DNAH12: variants seen among roughly 807,000 people sequenced by gnomAD.
The protein encoded by DNAH12 is dynein axonemal heavy chain 12, also known as axonemal beta dynein heavy chain 12.
In DNAH12, 285 loss-of-function variants were observed where a neutral mutation model predicts 371.5. The observed-to-expected ratio is 0.77, with a 90% CI of 0.70 to 0.85. The LOEUF is 0.85. Among genes scored for constraint, DNAH12 ranks in the 40% least tolerant of loss-of-function variants. The pLI is 0.00. For missense variants in DNAH12, 3,611 were observed against 3,689.4 expected, an observed-to-expected ratio of 0.98 and a Z score of 0.55; for synonymous variants, 1,200 against 1,213.0, an observed-to-expected ratio of 0.99 and a Z score of 0.22.
At chr3:57,374,181 CTAAGT>C (rs1283202513) in intron 55 of DNAH12, among the ~76,000 whole-genome samples, 1 of 152,148 alleles carries the variant, frequency 6.6e-6, no homozygotes, top group East Asian at 1.9e-4. Flanking sequence ...CACTTATTCA[CTAAGT>C]TATCTTTACT....
Position 57,424,907 on chromosome 3 carries a change from T to C in DNAH12, c.5373+115A>G, listed in dbSNP as rs553566816. On this transcript the variant is annotated intron_variant, in intron 35 of 73. Transcript: ENST00000495027. The stretch of plus-strand genomic sequence containing the variant: ...AACTTTAGTGTCTCCAGCTATTCTT[T>C]CAATGCTCACCAAAAAATAGCTTTG... 137 of 568,334 alleles carry C rather than the reference T, an allele frequency of 2.4e-4. 1 individual carries two copies. The highest frequency in any genetic ancestry group is 2.3e-3 in the South Asian group (88 of 38,014). The allele number at this position is 568,334 out of a possible 1,614,324, so 35.2% of individuals were successfully genotyped here. A position where few individuals can be genotyped will look rare whatever the true frequency, so the allele number is the denominator to read the frequency against.
At chr3:57,465,661 A>G (rs2066177935) in intron 17 of DNAH12, among the ~76,000 whole-genome samples, 1 of 152,200 alleles carries the variant, frequency 6.6e-6, no homozygotes. Context: ...TCTGCAAGGC[A>G]AAAGCTATCA....
At chr3:57,551,310 C>G in the DNAH12 span, among the ~76,000 whole-genome samples, 1 of 151,850 alleles carries the variant, frequency 6.6e-6, no homozygotes, top group African/African-American at 2.4e-5. Flanking sequence ...CTCGCTCTGT[C>G]GCCCAGGTTG....
chr3:57,393,465 A>C (rs2063668179), intron 44 of DNAH12, among the ~76,000 whole-genome samples: 3 of 151,908 alleles, frequency 2.0e-5, no homozygotes, highest in Non-Finnish European at 4.4e-5. Context: ...GTCTCTACTG[A>C]AAATACAAAA....
intron 45 of DNAH12, among the ~76,000 whole-genome samples, chr3:57,388,380 G>A (rs1426425187): frequency 6.6e-6 from 1 of 151,986 alleles, no homozygotes; most frequent in East Asian, 1.9e-4. Context: ...GTATTTTCCA[G>A]ATTTCCTTTC....
intron 70 of DNAH12, among the ~76,000 whole-genome samples, chr3:57,298,249 T>C (rs2061274783): frequency 2.0e-5 from 3 of 152,186 alleles, no homozygotes. Context: ...CCTGAGTGAC[T>C]GATTCAGAAA....
At position 57,404,975 on chromosome 3, in the gene DNAH12, A is replaced by C. The variant is rs572367814; in HGVS notation, c.6749T>G (p.Ile2250Ser). The change falls in exon 42 of 74, where the codon ATT becomes AGT. Residue 2250 changes from isoleucine (I) to serine (S), a missense_variant. Around this residue, in one of 3 missense-constraint regions of DNAH12, gnomAD observed 2,266 missense variants for 2,236.9 expected, o/e 1.01. Coordinates refer to ENST00000495027, the MANE Select transcript of DNAH12 (RefSeq NM_001366028.2). Reference protein sequence around the residue: ...QTHKTRMNLVIFRYVLEHLSR... With the variant: ...QTHKTRMNLVSFRYVLEHLSR... Reference sequence around the variant, plus strand: ...CAACACCATATATAGGTACCTAAAAATGACAAGATTCATTCTTGTTTTGTG... The same window carrying C: ...CAACACCATATATAGGTACCTAAAACTGACAAGATTCATTCTTGTTTTGTG... The C allele has an allele frequency of 1.3e-6, 2 of 1,512,474 alleles. No homozygotes were observed. The highest frequency in any genetic ancestry group is 2.6e-5 in the South Asian group (2 of 75,836). The allele number at this position is 1,512,474 out of a possible 1,614,324, so 93.7% of individuals were successfully genotyped here. A position where few individuals can be genotyped will look rare whatever the true frequency, so the allele number is the denominator to read the frequency against.
At chr3:57,499,647 A>ATATATATATATATAT (rs1553711615) in intron 11 of DNAH12, among the ~76,000 whole-genome samples, 15 of 17,956 alleles carry the variant, frequency 8.4e-4, no homozygotes, top group Non-Finnish European at 1.2e-3. Context: ...AAAAAAAAAA[A>ATATATATATATATAT]ATATATATAT....
At chr3:57,444,649 C>T (rs114733695) in intron 29 of DNAH12, 48 bp downstream of exon 29, 18,644 of 1,538,278 alleles carry the variant, frequency 0.012, 135 homozygotes, top group Non-Finnish European at 0.014. Flanking sequence ...ATTGAGTCAT[C>T]GGATGAATTT....
At chr3:57,386,976 A>G (rs1376213366) in intron 46 of DNAH12, 110 bp downstream of exon 46, 1 of 152,268 alleles carries the variant, frequency 6.6e-6, no homozygotes, top group Non-Finnish European at 1.5e-5. Flanking sequence ...AACCAGGTTA[A>G]GTACAGTAGG....
rs202134594 is a variant in DNAH12 at position 57,510,981 on chromosome 3, T to A, written c.280-2A>T. 2 of 1,582,024 alleles carry A rather than the reference T, an allele frequency of 1.3e-6. No individual in the cohort carries two copies. Among genetic ancestry groups the A allele is most frequent in the East Asian group, 4.5e-5 (2 of 44,064 alleles). Reference sequence around the variant, plus strand: ...TTGCTTCATATAAATATAGTTGAACTGAGAACATAAGAAAAAATTAAATGT... The same window carrying A: ...TTGCTTCATATAAATATAGTTGAACAGAGAACATAAGAAAAAATTAAATGT... On this transcript the variant is annotated splice_acceptor_variant, in intron 4 of 73. Coordinates refer to ENST00000495027, the MANE Select transcript of DNAH12 (RefSeq NM_001366028.2). LOFTEE classifies it high-confidence loss of function.
chr3:57,424,468 C>T (rs1394607851), intron 35 of DNAH12, among the ~76,000 whole-genome samples: 8 of 67,764 alleles, frequency 1.2e-4, no homozygotes, highest in African/African-American at 7.6e-4. Context: ...AAGATTCCAT[C>T]TCAAAAAAAA....
chr3:57,293,777 C>T lies in DNAH12; in HGVS notation c.*4G>A, dbSNP rs1327822341. 4 of 1,523,824 alleles carry T rather than the reference C, an allele frequency of 2.6e-6. No homozygotes were observed. In the Admixed American group the frequency reaches 6.1e-5, roughly 23 times the overall value. The allele number at this position is 1,523,824 out of a possible 1,614,324, so 94.4% of individuals were successfully genotyped here. On this transcript the variant is annotated 3_prime_UTR_variant, in exon 74 of 74. Transcript: ENST00000495027. ...CTTTTGGATGTTTTATAAATTTGTC[C>T]AATTTAGTCATCCAACTGACAAAGC...
In DNAH12 at chr3:57,489,629, T is replaced by A. The variant is rs781316567; in HGVS notation, c.1394A>T (p.His465Leu). Residue 465 changes from histidine to leucine, a missense_variant, in exon 12 of 74, where the codon CAT becomes CTT. Transcript: ENST00000495027. Reference sequence around the variant, plus strand: ...ACAATCCAAACGCACCATAGTGTAATGAATCCACTGAGGCAAAAGCATTAT... The same window carrying A: ...ACAATCCAAACGCACCATAGTGTAAAGAATCCACTGAGGCAAAAGCATTAT... ...SEIMLLPQWI[H>L]YTMVRLDCED... 1 of 1,535,804 alleles carries A rather than the reference T, an allele frequency of 6.5e-7. No homozygotes were observed. The highest frequency in any genetic ancestry group is 2.1e-5 in the Admixed American group (1 of 46,834).
intron 17 of DNAH12, among the ~76,000 whole-genome samples, chr3:57,464,751 G>A (rs1209084918): frequency 6.6e-6 from 1 of 152,010 alleles, no homozygotes; most frequent in Admixed American, 6.6e-5. Context: ...AAAAAGGAGA[G>A]AAAATTAAAA....
intron 2 of DNAH12, among the ~76,000 whole-genome samples, chr3:57,538,937 C>T (rs1300935820): frequency 2.6e-5 from 4 of 152,114 alleles, no homozygotes; most frequent in African/African-American, 9.7e-5. Context: ...CTTTTTACCC[C>T]CCACCTCCTG....
At chr3:57,549,471 C>A in the DNAH12 span, among the ~76,000 whole-genome samples, 1 of 140,154 alleles carries the variant, frequency 7.1e-6, no homozygotes, top group Non-Finnish European at 1.6e-5. Context: ...GAGCCAAGAT[C>A]ATGCCACTGC....
At chr3:57,467,954 G>C (rs1008735129) in intron 17 of DNAH12, among the ~76,000 whole-genome samples, 28 of 152,040 alleles carry the variant, frequency 1.8e-4, no homozygotes, top group African/African-American at 6.8e-4. Flanking sequence ...GGAATAAAAT[G>C]CCCTCTCTTG....
intron 39 of DNAH12, among the ~76,000 whole-genome samples, chr3:57,410,457 C>A (rs987547963): frequency 6.6e-6 from 1 of 151,986 alleles, no homozygotes; most frequent in Admixed American, 6.6e-5. Context: ...CTGGCTGTTC[C>A]CCATCTCTCT....
Sources: gnomAD v4.1 joint callset for allele counts (sites outside exome capture counted in the v4.1 genomes callset) on GRCh38, gnomAD v4.1.1 for gene constraint, gnomAD v4.1.1 regional missense constraint, MANE v1.5 for transcripts, NCBI Gene and HGNC (gene_info 2026-07-23, HGNC 2026-07-21) for gene names.